The following ZEB1 variants were observed in gnomAD, a reference collection of about 807,000 sequenced individuals.
ZEB1 encodes the protein zinc finger E-box-binding homeobox 1.
In ZEB1, 21 loss-of-function variants were observed where a neutral mutation model predicts 84.9. The ratio of observed to expected loss-of-function variants is 0.25; its 90% CI spans 0.18 to 0.36. ZEB1 has a LOEUF of 0.36. ZEB1 is among the 10% of genes least tolerant of loss of function. The probability of loss-of-function intolerance (pLI) is 1.00; values close to 1 mark genes in which losing one functional copy is unlikely to be tolerated. For missense variants in ZEB1, 1,104 were observed against 1,330.2 expected (o/e 0.83, Z 2.65); for synonymous variants, 420 against 471.1 (o/e 0.89, Z 1.41).
rs749898525 is a variant in ZEB1 at position 31,495,830 on chromosome 10, G to C, written c.314G>C (p.Gly105Ala). The part of the protein sequence containing the change: ...LGPEAQADEA[G>A]CTVKDDECES... ...CCTGAAGCTCAGGCAGATGAAGCAGGATGTACAGGTACTCTGCTGCGACTT... is the reference window on the plus strand; with the variant it reads ...CCTGAAGCTCAGGCAGATGAAGCAGCATGTACAGGTACTCTGCTGCGACTT... Residue 105 changes from glycine (G) to alanine (A), a missense_variant, in exon 3 of 9, where the codon GGA becomes GCA. Coordinates refer to ENST00000424869, the MANE Select transcript of ZEB1 (RefSeq NM_001174096.2). 12 of 1,612,908 alleles carry C rather than the reference G, an allele frequency of 7.4e-6. No individual in the cohort carries two copies. In the South Asian group the frequency reaches 9.9e-5, roughly 13 times the overall value.
chr10:31,446,998 A>G (rs533380438), intron 1 of ZEB1, among the ~76,000 whole-genome samples: 2,299 of 151,664 alleles, frequency 0.015, 44 homozygotes, highest in African/African-American at 0.052. Flanking sequence ...TGATCTGTCT[A>G]ATGTTGACAG....
At chr10:31,352,228 A>G (rs2041435178) in intron 1 of ZEB1, among the ~76,000 whole-genome samples, 1 of 152,218 alleles carries the variant, frequency 6.6e-6, no homozygotes. Context: ...TGATTTTATG[A>G]AACATTGTGA....
At chr10:31,414,954 C>A (rs1400381642) in intron 1 of ZEB1, among the ~76,000 whole-genome samples, 1 of 152,072 alleles carries the variant, frequency 6.6e-6, no homozygotes, top group Non-Finnish European at 1.5e-5. Context: ...AAAACTGAAA[C>A]AACATGAAGG....
chr10:31,445,439 C>A (rs533281854), intron 1 of ZEB1, among the ~76,000 whole-genome samples: 10 of 146,748 alleles, frequency 6.8e-5, no homozygotes, highest in Non-Finnish European at 9.0e-5. Context: ...CTGGCCAGAA[C>A]TTCCAACACT....
chr10:31,411,824 A>C (rs1043150865), intron 1 of ZEB1, among the ~76,000 whole-genome samples: 4 of 151,932 alleles, frequency 2.6e-5, no homozygotes, highest in African/African-American at 9.7e-5. Flanking sequence ...CTAAAACCAA[A>C]TTTTTTACAT....
In ZEB1 at chr10:31,480,473, C is replaced by T. The variant is rs186410347; in HGVS notation, c.260-15303C>T. 3.5e-4 allele frequency among the ~76,000 whole-genome samples: 53 copies of T among 152,132 alleles called. No homozygotes were observed. The East Asian group carries it at 7.2e-3, about 21-fold the overall frequency. ...GGTGTATGATTTAGAAAAGATTGAG[C>T]ACATGGCTTCTAGTCTTCGCTGTAC... On this transcript the variant is annotated intron_variant, in intron 2 of 8. Transcript: ENST00000424869.
chr10:31,448,764 G>C (rs560521380), intron 1 of ZEB1, among the ~76,000 whole-genome samples: 2 of 151,972 alleles, frequency 1.3e-5, no homozygotes, highest in Non-Finnish European at 2.9e-5. Flanking sequence ...GAGGCAGTCT[G>C]CCCATTCTCA....
intron 2 of ZEB1, among the ~76,000 whole-genome samples, chr10:31,489,891 A>G (rs1028693523): frequency 6.6e-6 from 1 of 151,438 alleles, no homozygotes; most frequent in Non-Finnish European, 1.5e-5. Flanking sequence ...TTTAGAACAG[A>G]TCTGCCAGCA....
chr10:31,468,000 G>C (rs1457907416), intron 2 of ZEB1, among the ~76,000 whole-genome samples: 1 of 151,956 alleles, frequency 6.6e-6, no homozygotes. Context: ...AAGCTGAGTG[G>C]GCCTCATGGC....
chr10:31,324,032 A>G (rs2133038704), intron 1 of ZEB1, among the ~76,000 whole-genome samples: 1 of 151,126 alleles, frequency 6.6e-6, no homozygotes, highest in Non-Finnish European at 1.5e-5. Context: ...TATTTCTTGA[A>G]TTTAGTATTC....
intron 1 of ZEB1, among the ~76,000 whole-genome samples, chr10:31,395,320 CTTT>C (rs915520384): frequency 1.3e-5 from 2 of 151,492 alleles, no homozygotes; most frequent in African/African-American, 4.9e-5. Flanking sequence ...GCTTTTTTTT[CTTT>C]TTATTTATAG....
intron 1 of ZEB1, among the ~76,000 whole-genome samples, chr10:31,413,359 G>C (rs1189789183): frequency 1.3e-5 from 2 of 152,072 alleles, no homozygotes; most frequent in African/African-American, 4.8e-5. Context: ...TTTTTCTTTA[G>C]CCTAGGGAAA....
chr10:31,328,019 T>C (rs983653162), intron 1 of ZEB1, among the ~76,000 whole-genome samples: 3 of 152,192 alleles, frequency 2.0e-5, no homozygotes, highest in Admixed American at 6.5e-5. Flanking sequence ...CTTGTGTATT[T>C]AAGATGATAA....
chr10:31,462,418 C>A (rs970049936), intron 2 of ZEB1, among the ~76,000 whole-genome samples: 2 of 152,078 alleles, frequency 1.3e-5, no homozygotes, highest in African/African-American at 4.8e-5. Flanking sequence ...AAATAAGTCA[C>A]AAATACATTA....
intron 1 of ZEB1, among the ~76,000 whole-genome samples, chr10:31,354,140 G>A (rs2133923408): frequency 6.6e-6 from 1 of 152,238 alleles, no homozygotes; most frequent in African/African-American, 2.4e-5. Flanking sequence ...GTTTTGTCAA[G>A]TCTGTCTGTT....
chr10:31,454,082 C>G (rs771562502), intron 1 of ZEB1, among the ~76,000 whole-genome samples: 9 of 152,112 alleles, frequency 5.9e-5, no homozygotes, highest in South Asian at 2.1e-4. Flanking sequence ...AGCTTCATAC[C>G]TGGGATGCAA....
chr10:31,330,802 T>G (rs1195734386), intron 1 of ZEB1, among the ~76,000 whole-genome samples: 2 of 149,182 alleles, frequency 1.3e-5, no homozygotes, highest in African/African-American at 5.0e-5. Context: ...TGTTACTTAT[T>G]CCTATGTAAT....
intron 1 of ZEB1, among the ~76,000 whole-genome samples, chr10:31,450,771 A>G (rs223530): frequency 0.048 from 7,366 of 152,214 alleles, 192 homozygotes; most frequent in South Asian, 0.064. Context: ...TTATGTTAAT[A>G]TAGTAAAAGC....
intron 1 of ZEB1, among the ~76,000 whole-genome samples, chr10:31,377,186 C>A (rs975533706): frequency 6.6e-6 from 1 of 150,764 alleles, no homozygotes; most frequent in East Asian, 1.9e-4. Flanking sequence ...TTCCCATGAC[C>A]ACAATTAGTT....
Sources: allele counts gnomAD v4.1 joint callset (sites outside exome capture counted in the v4.1 genomes callset), GRCh38; gene constraint gnomAD v4.1.1; transcripts MANE v1.5; gene names NCBI Gene and HGNC (gene_info 2026-07-23, HGNC 2026-07-21).